DLC1: variants seen among roughly 807,000 people sequenced by gnomAD.
The protein encoded by DLC1 is rho GTPase-activating protein 7.
DLC1 carries 54 observed loss-of-function variants against 140.3 expected under a neutral mutation model. The observed-to-expected ratio is 0.38, with a 90% CI of 0.31 to 0.48. The LOEUF is 0.48. DLC1 is among the 20% of genes least tolerant of loss of function. The pLI is 0.96. For synonymous variants in DLC1, 986 were observed against 728.1 expected, an observed-to-expected ratio of 1.35 and a Z score of -5.70; for missense variants, 2,536 against 1,907.0, an observed-to-expected ratio of 1.33 and a Z score of -6.14.
At chr8:13,536,562 T>C (rs937765525) in intron 1 of DLC1, among the ~76,000 whole-genome samples, 1 of 152,144 alleles carries the variant, frequency 6.6e-6, no homozygotes, top group Admixed American at 6.5e-5. Flanking sequence ...TAGAAATGAT[T>C]AGACTGAGGC....
At chr8:13,334,382 CT>C (rs1185964330) in intron 4 of DLC1, among the ~76,000 whole-genome samples, 1 of 152,188 alleles carries the variant, frequency 6.6e-6, no homozygotes, top group East Asian at 1.9e-4. Flanking sequence ...GTGAGCCCCC[CT>C]GGAGGAGTTT....
At chr8:13,592,414 C>T (rs1287339687) in intron 1 of DLC1, among the ~76,000 whole-genome samples, 1 of 151,612 alleles carries the variant, frequency 6.6e-6, no homozygotes, top group African/African-American at 2.4e-5. Context: ...ATATTTCTCC[C>T]ATTTTTTGTA....
rs575367900 is a variant in DLC1, at chr8:13,499,092, G to A, written c.980C>T (p.Thr327Ile). ...QCLQLKETLA[T>I]QEPTDNQVRL... ...GACTTGGTTATCTGTGGGTTCCTGG[G>A]TGGCCAGGGTCTCCTTTAATTGTAA... Residue 327 changes from threonine (T) to isoleucine (I), a missense_variant, in exon 2 of 18, where the codon ACC becomes ATC. Thr to Ile is a moderately conservative substitution (Grantham distance 89). Coordinates refer to ENST00000276297, the MANE Select transcript of DLC1 (RefSeq NM_182643.3). 4 of 1,613,666 alleles carry A rather than the reference G, an allele frequency of 2.5e-6. No individual in the cohort carries two copies. The highest frequency in any genetic ancestry group is 2.5e-6 in the Non-Finnish European group (3 of 1,179,880).
chr8:13,485,372 G>C lies in DLC1; in HGVS notation c.1023+13677C>G, dbSNP rs760259839. Among the ~76,000 whole-genome samples, 21 of 152,184 alleles carry C rather than the reference G, an allele frequency of 1.4e-4. 1 individual carries two copies. Among genetic ancestry groups the C allele is most frequent in the Non-Finnish European group, 4.4e-5 (3 of 68,022 alleles). On this transcript the variant is annotated intron_variant, in intron 2 of 17. Coordinates refer to ENST00000276297, the MANE Select transcript of DLC1 (RefSeq NM_182643.3). The stretch of plus-strand genomic sequence containing the variant: ...GAAAAGAGACAGTAGCATTGTCCTT[G>C]TTTGAACATGCACTTCTTGTTGCTA...
At chr8:13,389,995 T>G (rs533084645) in intron 4 of DLC1, among the ~76,000 whole-genome samples, 1 of 152,174 alleles carries the variant, frequency 6.6e-6, no homozygotes, top group African/African-American at 2.4e-5. Context: ...GATATTACAG[T>G]TTTCTCTCTC....
chr8:13,098,264 G>A lies in DLC1; in HGVS notation c.3167+135C>T, dbSNP rs375049307. The A allele has an allele frequency of 4.1e-4, 474 of 1,152,286 alleles. 8 individuals carry two copies. The South Asian group carries it at 6.5e-3, about 16-fold the overall frequency. 71.4% of individuals were successfully genotyped at this position (1,152,286 alleles called of 1,614,324 possible). A position where few individuals can be genotyped will look rare whatever the true frequency, so the allele number is the denominator to read the frequency against. On this transcript the variant is annotated intron_variant, in intron 10 of 17. Transcript: ENST00000276297. ...AAACAAACAAACAAAAATGCAGAGA[G>A]TGATTGCCATAGGATGACAGATGAA... is the stretch of plus-strand genomic sequence containing the variant.
intron 5 of DLC1, among the ~76,000 whole-genome samples, chr8:13,177,626 C>A (rs111384320): frequency 5.4e-4 from 82 of 152,306 alleles, no homozygotes; most frequent in African/African-American, 1.7e-3. Flanking sequence ...ACATAACATA[C>A]AGCAATACTG....
chr8:13,091,681 T>C (rs1818087463), intron 13 of DLC1, among the ~76,000 whole-genome samples: 1 of 152,076 alleles, frequency 6.6e-6, no homozygotes, highest in Non-Finnish European at 1.5e-5. Context: ...TTTAATTAAA[T>C]AGGTTCCTAC....
chr8:13,092,575 G>T (rs1405469620), intron 13 of DLC1, 37 bp downstream of exon 13: 2 of 1,581,084 alleles, frequency 1.3e-6, no homozygotes, highest in African/African-American at 1.4e-5. Flanking sequence ...AATGTAGGCT[G>T]CCCCCTGTGT....
chr8:13,464,165 T>TAAA (rs1799813921), intron 2 of DLC1, among the ~76,000 whole-genome samples: 2 of 152,166 alleles, frequency 1.3e-5, no homozygotes, highest in African/African-American at 4.8e-5. Context: ...CCTGGGCTTT[T>TAAA]TAGGCAGATG....
intron 5 of DLC1, among the ~76,000 whole-genome samples, chr8:13,223,222 C>T (rs2117166363): frequency 6.6e-6 from 1 of 151,930 alleles, no homozygotes; most frequent in East Asian, 1.9e-4. Context: ...TCGTAGAGAG[C>T]AGTACACATA....
intron 2 of DLC1, among the ~76,000 whole-genome samples, chr8:13,418,528 T>C (rs1374925559): frequency 1.3e-5 from 2 of 152,218 alleles, no homozygotes; most frequent in Non-Finnish European, 2.9e-5. Flanking sequence ...TAGTTGTAGA[T>C]AAGCAGCGTT....
chr8:13,413,947 A>G (rs1053075208), intron 2 of DLC1, among the ~76,000 whole-genome samples: 1 of 152,184 alleles, frequency 6.6e-6, no homozygotes, highest in African/African-American at 2.4e-5. Context: ...AGAGGGGCAA[A>G]GAAACCTACA....
chr8:13,589,215 G>T lies in DLC1; in HGVS notation c.-126+15322C>A, dbSNP rs74400989. 7.7e-3 allele frequency among the ~76,000 whole-genome samples: 1,166 copies of T among 152,114 alleles called. 5 individuals carry two copies. Among genetic ancestry groups the T allele is most frequent in the Non-Finnish European group, 0.012 (834 of 67,968 alleles). On this transcript the variant is annotated intron_variant, in intron 1 of 1. Transcript: ENST00000631382. The stretch of plus-strand genomic sequence containing the variant: ...ACAACTTAACCATTCTTAGCCCAGA[G>T]ATGCTTATGTATGCTTTTTTAATGT...
chr8:13,450,300 T>TA (rs1262877582), intron 2 of DLC1, among the ~76,000 whole-genome samples: 1 of 150,946 alleles, frequency 6.6e-6, no homozygotes, highest in African/African-American at 2.4e-5. Flanking sequence ...ACTAAAAATA[T>TA]AAAAATTAGC....
At chr8:13,472,230 C>G (rs1345334352) in intron 2 of DLC1, among the ~76,000 whole-genome samples, 1 of 152,114 alleles carries the variant, frequency 6.6e-6, no homozygotes, top group African/African-American at 2.4e-5. Flanking sequence ...CCTTAGGAAT[C>G]TGAGTCTCCT....
chr8:13,200,956 A>G (rs1196795310), intron 5 of DLC1, among the ~76,000 whole-genome samples: 1 of 152,182 alleles, frequency 6.6e-6, no homozygotes, highest in Non-Finnish European at 1.5e-5. Context: ...ATCTCCATTT[A>G]TAGCCTCAAC....
intron 4 of DLC1, among the ~76,000 whole-genome samples, chr8:13,331,002 G>T (rs1447876030): frequency 1.3e-5 from 2 of 152,124 alleles, no homozygotes; most frequent in African/African-American, 4.8e-5. Context: ...AATCCAGAAA[G>T]CTCACAATGA....
intron 2 of DLC1, among the ~76,000 whole-genome samples, chr8:13,416,241 A>C (rs145034581): frequency 6.6e-6 from 1 of 152,316 alleles, no homozygotes; most frequent in African/African-American, 2.4e-5. Context: ...AGAACTTGTT[A>C]CATATGCAAA....
Sources: gnomAD v4.1 joint callset for allele counts (sites outside exome capture counted in the v4.1 genomes callset) on GRCh38, gnomAD v4.1.1 for gene constraint, MANE v1.5 for transcripts, NCBI Gene and HGNC (gene_info 2026-07-23, HGNC 2026-07-21) for gene names.